The following RGS3 variants were observed in gnomAD, a reference collection of about 807,000 sequenced individuals.
The protein encoded by RGS3 is regulator of G protein signaling 3, also known as regulator of G-protein signalling 3.
In RGS3, 80 loss-of-function variants were observed where a neutral mutation model predicts 132.6. The ratio of observed to expected loss-of-function variants is 0.60; its 90% CI spans 0.50 to 0.73. The LOEUF is 0.73. Ranked by LOEUF, RGS3 falls within the 30% of genes least tolerant of loss-of-function variation. The pLI is 0.00. For synonymous variants in RGS3, 598 were observed against 620.6 expected (o/e 0.96, Z 0.54); for missense variants, 1,382 against 1,530.8 (o/e 0.90, Z 1.62).
In RGS3 at chr9:113,595,334, C is replaced by T. The variant is rs1835709870; in HGVS notation, c.3245-265C>T. On this transcript the variant is annotated intron_variant, in intron 23 of 24. Coordinates refer to ENST00000350696, the Ensembl canonical transcript of RGS3. Reference sequence around the variant, plus strand: ...CATGGGCAGGGTCCCATCGGCTCCTCCCAGGGCTCCGGGAGACAGAATCGA... The same window carrying T: ...CATGGGCAGGGTCCCATCGGCTCCTTCCAGGGCTCCGGGAGACAGAATCGA... 1.1e-5 allele frequency: 6 copies of T among 556,868 alleles called. No individual in the cohort carries two copies. In the South Asian group the frequency reaches 1.5e-4, roughly 14 times the overall value. The allele number at this position is 556,868 out of a possible 1,614,324, so 34.5% of individuals were successfully genotyped here.
rs192057539 is a variant in RGS3 at position 113,520,481 on chromosome 9, T to C, written c.1759-2449T>C. Among the ~76,000 whole-genome samples the C allele has an allele frequency of 2.4e-3, 365 of 152,066 alleles. 1 individual carries two copies. Among genetic ancestry groups the C allele is most frequent in the South Asian group, 1.7e-3 (8 of 4,808 alleles). On this transcript the variant is annotated intron_variant, in intron 16 of 24. Coordinates refer to ENST00000350696, the Ensembl canonical transcript of RGS3. Reference sequence around the variant, plus strand: ...CTTTTCTCACCTTGCTCATGGTTCTTCCCCAGTTGCTGGTGGCTCCTCCTA... The same window carrying C: ...CTTTTCTCACCTTGCTCATGGTTCTCCCCCAGTTGCTGGTGGCTCCTCCTA...
intron 7 of RGS3, 51 bp downstream of exon 5, chr9:113,485,744 G>A (rs1830312003): frequency 2.1e-6 from 3 of 1,397,556 alleles, no homozygotes; most frequent in East Asian, 2.4e-5. Flanking sequence ...GCTAGTGGGT[G>A]ACAGCCAGGT....
intron 16 of RGS3, among the ~76,000 whole-genome samples, chr9:113,518,643 G>C (rs1246155785): frequency 6.6e-6 from 1 of 152,182 alleles, no homozygotes; most frequent in African/African-American, 2.4e-5. Flanking sequence ...TCTTTTTCAA[G>C]GGAGTGCCCT....
chr9:113,462,005 C>A (rs752421448), intron 2 of RGS3: 1 of 1,611,594 alleles, frequency 6.2e-7, no homozygotes, highest in South Asian at 1.1e-5. Context: ...CTCATGCTCC[C>A]ATCTTGCTCC....
chr9:113,584,140 C>T (rs757556730), exon 20 of RGS3: 22 of 1,614,118 alleles, frequency 1.4e-5, no homozygotes, highest in South Asian at 9.9e-5. Flanking sequence ...CTACGGAGAG[C>T]GCAGTGAGGC....
chr9:113,471,184 A>G (rs1204914920), intron 3 of RGS3, among the ~76,000 whole-genome samples: 1 of 151,330 alleles, frequency 6.6e-6, no homozygotes, highest in Admixed American at 6.6e-5. Flanking sequence ...ATTACAGTTC[A>G]CTCTATTCCT....
At chr9:113,531,716 A>G (rs780466245) in intron 18 of RGS3, among the ~76,000 whole-genome samples, 2 of 152,224 alleles carry the variant, frequency 1.3e-5, no homozygotes, top group Non-Finnish European at 2.9e-5. Context: ...TGGAGGAGGC[A>G]GAAGACAAAC....
chr9:113,453,035 T>TATATA (rs1473369456), intron 1 of RGS3, among the ~76,000 whole-genome samples: 4 of 132,148 alleles, frequency 3.0e-5, no homozygotes, highest in African/African-American at 1.1e-4. Flanking sequence ...TAATATATAA[T>TATATA]ATATATAATA....
chr9:113,509,817 G>A (rs916213355), intron 14 of RGS3, among the ~76,000 whole-genome samples: 3 of 152,190 alleles, frequency 2.0e-5, no homozygotes, highest in African/African-American at 7.2e-5. Context: ...CAGGGATGCT[G>A]ATGGAAGACA....
intron 1 of RGS3, chr9:113,461,681 G>C: frequency 6.2e-7 from 1 of 1,605,420 alleles, no homozygotes; most frequent in Non-Finnish European, 8.5e-7. Flanking sequence ...AGTGCCCAGT[G>C]TGGGCCTCGG....
intron 20 of RGS3, among the ~76,000 whole-genome samples, chr9:113,585,712 A>G (rs149728359): frequency 6.6e-6 from 1 of 152,318 alleles, no homozygotes; most frequent in Non-Finnish European, 1.5e-5. Flanking sequence ...AGGTGCTGCT[A>G]TTCCTCCCTC....
At chr9:113,509,274 G>A (rs1468446116) in intron 14 of RGS3, among the ~76,000 whole-genome samples, 8 of 150,864 alleles carry the variant, frequency 5.3e-5, no homozygotes, top group Admixed American at 3.3e-4. Flanking sequence ...GACAGAGCGA[G>A]ACTCTGTCTA....
chr9:113,489,967 A>G (rs910821866), intron 7 of RGS3, among the ~76,000 whole-genome samples: 6 of 152,192 alleles, frequency 3.9e-5, no homozygotes, highest in Admixed American at 6.5e-5. Flanking sequence ...TGTTAGAGAA[A>G]CAAGATGATC....
intron 19 of RGS3, among the ~76,000 whole-genome samples, chr9:113,539,723 T>A (rs1188524864): frequency 6.6e-6 from 1 of 152,222 alleles, no homozygotes; most frequent in African/African-American, 2.4e-5. Flanking sequence ...TTCAAGAGTG[T>A]CTGCTGACAC....
chr9:113,540,915 C>T (rs1832875495), intron 19 of RGS3, among the ~76,000 whole-genome samples: 1 of 152,220 alleles, frequency 6.6e-6, no homozygotes, highest in East Asian at 1.9e-4. Flanking sequence ...TGCAAAGTGG[C>T]ATGCAAGAGG....
chr9:113,584,479 TG>T, intron 20 of RGS3, 52 bp downstream of exon 18: 1 of 1,478,110 alleles, frequency 6.8e-7, no homozygotes. Context: ...TGGGGAGGGC[TG>T]GCCCAGGGGC....
At position 113,526,417 on chromosome 9, in the gene RGS3, G is replaced by A. The variant is rs375740061; in HGVS notation, c.1871-2804G>A. On this transcript the variant is annotated intron_variant, in intron 17 of 24. Transcript: ENST00000350696. ...GCTCATAGCCTGGTGGAATGCAGAC[G>A]AGTAACCGTGGAGGGGTAGAAGTGT... 3.5e-4 allele frequency among the ~76,000 whole-genome samples: 54 copies of A among 152,320 alleles called. No homozygotes were observed. In the East Asian group the frequency reaches 6.0e-3, roughly 17 times the overall value.
At chr9:113,489,526 G>T (rs1358136304) in intron 7 of RGS3, among the ~76,000 whole-genome samples, 3 of 151,980 alleles carry the variant, frequency 2.0e-5, no homozygotes, top group African/African-American at 7.2e-5. Context: ...TTATAGTGTA[G>T]TTTCATTGAT....
chr9:113,497,694 T>G (rs1159456433), intron 9 of RGS3, among the ~76,000 whole-genome samples: 1 of 152,164 alleles, frequency 6.6e-6, no homozygotes, highest in Non-Finnish European at 1.5e-5. Flanking sequence ...CAGTGGCCCC[T>G]TCCCAGCTCC....
Sources: gnomAD v4.1 joint callset for allele counts (sites outside exome capture counted in the v4.1 genomes callset) on GRCh38, gnomAD v4.1.1 for gene constraint, MANE v1.5 for transcripts, NCBI Gene and HGNC (gene_info 2026-07-23, HGNC 2026-07-21) for gene names.